The following TRPM3 variants were observed in gnomAD, a reference collection of about 807,000 sequenced individuals.
TRPM3 encodes the protein long transient receptor potential channel 3.
In TRPM3, 77 loss-of-function variants were observed where a neutral mutation model predicts 181.2. The ratio of observed to expected loss-of-function variants is 0.42; its 90% confidence interval spans 0.35 to 0.51. TRPM3 has a LOEUF of 0.51. Among genes scored for constraint, TRPM3 ranks in the 20% least tolerant of loss-of-function variants. The pLI is 0.01. For synonymous variants in TRPM3, 745 were observed against 796.4 expected (o/e 0.94, Z 1.09); for missense variants, 1,759 against 2,196.7 (o/e 0.80, Z 3.98).
chr9:71,165,524 T>C (rs1776565981), intron 1 of TRPM3, among the ~76,000 whole-genome samples: 1 of 152,078 alleles, frequency 6.6e-6, no homozygotes, highest in South Asian at 2.1e-4. Context: ...TCCAAAATGG[T>C]ATAACAACGT....
At chr9:71,157,826 G>A (rs534495621) in intron 1 of TRPM3, among the ~76,000 whole-genome samples, 8 of 152,184 alleles carry the variant, frequency 5.3e-5, no homozygotes, top group African/African-American at 1.7e-4. Flanking sequence ...TTCTTTTCTA[G>A]GTAGGAGGAA....
chr9:70,560,299 C>T (rs1193711509), intron 22 of TRPM3, among the ~76,000 whole-genome samples: 1 of 152,150 alleles, frequency 6.6e-6, no homozygotes, highest in African/African-American at 2.4e-5. Context: ...TGGCAACTGG[C>T]AGTGAAGATA....
At chr9:71,033,073 A>G (rs2057734912) in intron 1 of TRPM3, among the ~76,000 whole-genome samples, 1 of 152,206 alleles carries the variant, frequency 6.6e-6, no homozygotes, top group Non-Finnish European at 1.5e-5. Context: ...TCATCTCTCC[A>G]TCTTAAGTGG....
chr9:71,379,134 T>C (rs1410712717), intron 1 of TRPM3, among the ~76,000 whole-genome samples: 3 of 152,040 alleles, frequency 2.0e-5, no homozygotes, highest in African/African-American at 7.2e-5. Context: ...TAATCTGATT[T>C]CAACTTTTGC....
intron 1 of TRPM3, among the ~76,000 whole-genome samples, chr9:71,163,889 A>C (rs1030365526): frequency 3.9e-5 from 6 of 152,222 alleles, no homozygotes; most frequent in Non-Finnish European, 8.8e-5. Flanking sequence ...AAAAAGTATC[A>C]GAATTATCAA....
At chr9:71,416,285 A>G (rs972361299) in intron 1 of TRPM3, among the ~76,000 whole-genome samples, 2 of 151,942 alleles carry the variant, frequency 1.3e-5, no homozygotes, top group Admixed American at 6.6e-5. Flanking sequence ...TATAAAATAT[A>G]CAATCCAATG....
At chr9:70,932,680 G>T (rs1222059276) in intron 1 of TRPM3, among the ~76,000 whole-genome samples, 1 of 152,156 alleles carries the variant, frequency 6.6e-6, no homozygotes, top group Non-Finnish European at 1.5e-5. Flanking sequence ...ACTGTAGCAG[G>T]TGGAAGCAAG....
chr9:70,547,535 C>CA (rs58051483), intron 25 of TRPM3, among the ~76,000 whole-genome samples: 1,817 of 119,180 alleles, frequency 0.015, 21 homozygotes, highest in African/African-American at 0.031. Flanking sequence ...CTTACAAATG[C>CA]AAAAAAAAAA....
chr9:71,181,748 G>C (rs111881310), intron 1 of TRPM3, among the ~76,000 whole-genome samples: 3 of 151,970 alleles, frequency 2.0e-5, no homozygotes, highest in Admixed American at 2.0e-4. Context: ...GTTATCTGCC[G>C]TACACACTCA....
chr9:70,681,554 C>T lies in TRPM3; in HGVS notation c.1297G>A (p.Glu433Lys), dbSNP rs931817253. 3.1e-6 allele frequency: 5 copies of T among 1,613,774 alleles called. No homozygotes were observed. The African/African-American group carries it at 5.3e-5, about 17-fold the overall frequency. ...ELITVFRMGS[E>K]GHQDIDLAIL... is the part of the protein sequence containing the mutation. ...GCCAAATCAATGTCCTGGTGTCCTT[C>T]TGATCCCATCCGAAATACCGTAATC... is the stretch of plus-strand genomic sequence containing the variant. The change falls in exon 9 of 26, where the codon GAA becomes AAA. Residue 433 changes from glutamate (E) to lysine (K), a missense_variant. Physicochemically the swap from Glu to Lys is moderately conservative, Grantham distance 56. Transcript: ENST00000677713.
At chr9:70,849,451 A>G (rs1589214725) in intron 3 of TRPM3, among the ~76,000 whole-genome samples, 2 of 152,254 alleles carry the variant, frequency 1.3e-5, no homozygotes, top group East Asian at 3.9e-4. Context: ...GGCCTGAAGG[A>G]AGTTTTAAAA....
At chr9:70,634,275 A>C (rs1245359221) in intron 12 of TRPM3, among the ~76,000 whole-genome samples, 2 of 152,040 alleles carry the variant, frequency 1.3e-5, no homozygotes, top group Non-Finnish European at 2.9e-5. Flanking sequence ...ATGCCAAGCT[A>C]ATTTTTGTAT....
chr9:71,291,230 T>C (rs1359928138), intron 1 of TRPM3, among the ~76,000 whole-genome samples: 1 of 152,122 alleles, frequency 6.6e-6, no homozygotes, highest in Non-Finnish European at 1.5e-5. Context: ...TATACCAGTT[T>C]TTCCAAAATT....
intron 1 of TRPM3, among the ~76,000 whole-genome samples, chr9:71,133,970 TG>T: frequency 1.2e-5 from 1 of 83,246 alleles, no homozygotes; most frequent in East Asian, 3.4e-4. Flanking sequence ...AAACTGTGTG[TG>T]TTTGTGTGTG....
intron 1 of TRPM3, among the ~76,000 whole-genome samples, chr9:71,173,494 G>A (rs1014428866): frequency 2.0e-5 from 3 of 152,168 alleles, no homozygotes; most frequent in African/African-American, 7.2e-5. Flanking sequence ...ATTTGGTGGC[G>A]ATGAAAGAAA....
At chr9:71,423,495 C>A (rs1233866938) in intron 1 of TRPM3, among the ~76,000 whole-genome samples, 1 of 152,062 alleles carries the variant, frequency 6.6e-6, no homozygotes, top group East Asian at 1.9e-4. Flanking sequence ...CCATTCTCTA[C>A]AATACAGTCT....
At chr9:70,978,901 T>C (rs888316177) in intron 1 of TRPM3, among the ~76,000 whole-genome samples, 4 of 152,164 alleles carry the variant, frequency 2.6e-5, no homozygotes, top group Admixed American at 2.6e-4. Flanking sequence ...ACACTGATAC[T>C]TTTCCCACAA....
At chr9:71,397,814 G>A (rs2093237354) in intron 1 of TRPM3, among the ~76,000 whole-genome samples, 1 of 152,078 alleles carries the variant, frequency 6.6e-6, no homozygotes, top group African/African-American at 2.4e-5. Flanking sequence ...CCAGAATATT[G>A]GGTACATGCA....
intron 1 of TRPM3, among the ~76,000 whole-genome samples, chr9:70,885,206 C>T (rs561016168): frequency 2.0e-5 from 3 of 152,256 alleles, no homozygotes; most frequent in East Asian, 1.9e-4. Flanking sequence ...TTTCTCAACT[C>T]GGTATTATTG....
Sources: gnomAD v4.1 joint callset for allele counts (sites outside exome capture counted in the v4.1 genomes callset) on GRCh38, gnomAD v4.1.1 for gene constraint, MANE v1.5 for transcripts, NCBI Gene and HGNC (gene_info 2026-07-23, HGNC 2026-07-21) for gene names.